The following OR2T10 variants were observed in gnomAD, a reference collection of about 807,000 sequenced individuals.
OR2T10 encodes olfactory receptor 2T10.
For missense variants in OR2T10, 335 were observed against 382.5 expected (o/e 0.88, Z 1.04); for synonymous variants, 125 against 141.8 (o/e 0.88, Z 0.84).
chr1:248,594,580 A>G (rs60798011), intron 1 of OR2T10, among the ~76,000 whole-genome samples: 3,633 of 143,308 alleles, frequency 0.025, 781 homozygotes, highest in African/African-American at 0.095. Flanking sequence ...ATCTTTCAAG[A>G]TATCAAAAAA....
rs1384432086 is a variant in OR2T10 at position 248,593,633 on chromosome 1, T to G, written c.136A>C (p.Ile46Leu). ...LMAVSWNITL[I>L]LLIHIDSSLH... ...GAGGAGTCAATGTGGATCAGAAGTA[T>G]CAATGTAATATTCCAAGACACAGCC... The change falls in exon 2 of 2, where the codon ATA (isoleucine) becomes CTA (leucine). Residue 46 changes from isoleucine (I) to leucine (L), a missense_variant. Coordinates refer to ENST00000642090, the MANE Select transcript of OR2T10 (RefSeq NM_001004693.2). 1.3e-5 allele frequency: 21 copies of G among 1,561,318 alleles called. 1 individual carries two copies. Among genetic ancestry groups the G allele is most frequent in the African/African-American group, 6.2e-5 (4 of 64,562 alleles).
In OR2T10 at chr1:248,593,313, G is replaced by T. The variant is rs1660043095; in HGVS notation, c.456C>A (p.Gly152=). ...GAGTGAGCATGAAGCCATCCACTGAGCCCACAAACCAGCAGCCTGATGCCA... is the reference window on the plus strand; with the variant it reads ...GAGTGAGCATGAAGCCATCCACTGATCCCACAAACCAGCAGCCTGATGCCA... The part of the protein sequence containing the change: ...LLLASGCWFV[G]SVDGFMLTPI... Residue 152 remains glycine, a synonymous_variant, in exon 2 of 2, where the codon GGC becomes GGA. Coordinates refer to ENST00000642090, the MANE Select transcript of OR2T10 (RefSeq NM_001004693.2). The T allele has an allele frequency of 6.4e-7, 1 of 1,573,150 alleles. No homozygotes were observed. Among genetic ancestry groups the T allele is most frequent in the East Asian group, 2.3e-5 (1 of 43,616 alleles).
At position 248,591,047 on chromosome 1, in the gene OR2T10, ATT is replaced by A. The variant is rs1394336378; in HGVS notation, c.*1781_*1782del. ...TGTTGGAAAAATTTATTTTACTATCATTTTTTATAATTGGAGTTAGACTCAAT... is the reference window on the plus strand; with the variant it reads ...TGTTGGAAAAATTTATTTTACTATCATTTTATAATTGGAGTTAGACTCAAT... On this transcript the variant is annotated 3_prime_UTR_variant, in exon 2 of 2. Coordinates refer to ENST00000642090, the MANE Select transcript of OR2T10 (RefSeq NM_001004693.2). 1.4e-5 allele frequency: 2 copies of A among 143,110 alleles called. No individual in the cohort carries two copies. The highest frequency in any genetic ancestry group is 3.0e-5 in the Non-Finnish European group (2 of 66,278). 8.9% of individuals were successfully genotyped at this position (143,110 alleles called of 1,614,324 possible). A position where few individuals can be genotyped will look rare whatever the true frequency, so the allele number is the denominator to read the frequency against.
intron 1 of OR2T10, among the ~76,000 whole-genome samples, chr1:248,596,355 G>A (rs59186316): frequency 0.16 from 22,141 of 142,268 alleles, 5,072 homozygotes; most frequent in East Asian, 0.44. Flanking sequence ...CCCTTCCCAA[G>A]TTGAACAGGT....
intron 1 of OR2T10, among the ~76,000 whole-genome samples, chr1:248,596,548 T>C (rs1660094612): frequency 7.0e-6 from 1 of 143,256 alleles, no homozygotes; most frequent in Non-Finnish European, 1.5e-5. Flanking sequence ...TCCATAAGGC[T>C]GCAGAACAAA....
At chr1:248,596,709 CT>C (rs767231937) in intron 1 of OR2T10, among the ~76,000 whole-genome samples, 5 of 143,506 alleles carry the variant, frequency 3.5e-5, no homozygotes, top group Non-Finnish European at 7.5e-5. Context: ...AAAATGAAAC[CT>C]TTATGACAAA....
chr1:248,595,438 T>A (rs1386463039), intron 1 of OR2T10, among the ~76,000 whole-genome samples: 1 of 143,518 alleles, frequency 7.0e-6, no homozygotes, highest in African/African-American at 2.7e-5. Flanking sequence ...CAATTGGTCA[T>A]ATTATTTCCT....
chr1:248,595,415 AT>A (rs1283935220), intron 1 of OR2T10, among the ~76,000 whole-genome samples: 1 of 143,618 alleles, frequency 7.0e-6, no homozygotes, highest in Non-Finnish European at 1.5e-5. Context: ...AAATTTATAA[AT>A]AAGAATTATT....
intron 1 of OR2T10, among the ~76,000 whole-genome samples, chr1:248,595,280 A>G (rs1202826829): frequency 7.0e-6 from 1 of 143,728 alleles, no homozygotes; most frequent in African/African-American, 2.7e-5. Context: ...TTAATGTTCA[A>G]TATATTAATA....
At position 248,593,131 on chromosome 1, in the gene OR2T10, A is replaced by G; in HGVS notation, c.638T>C (p.Val213Ala). The change falls in exon 2 of 2, where the codon GTC becomes GCC. Residue 213 changes from valine (V) to alanine (A), a missense_variant. By Grantham distance (64) the Val-to-Ala change is moderately conservative. Coordinates refer to ENST00000642090, the MANE Select transcript of OR2T10 (RefSeq NM_001004693.2). ...CVIMLLIPVTVISVSYYYIIL... is the reference protein window; with the variant it reads ...CVIMLLIPVTAISVSYYYIIL... ...GATATAGTAGTAAGACACTGAAATG[A>G]CCGTCACAGGTATCAGGAGCATGAT... 1.3e-6 allele frequency: 2 copies of G among 1,573,188 alleles called. No homozygotes were observed. Among genetic ancestry groups the G allele is most frequent in the African/African-American group, 1.5e-5 (1 of 66,744 alleles).
intron 1 of OR2T10, among the ~76,000 whole-genome samples, chr1:248,594,695 G>T (rs920545307): frequency 4.2e-5 from 6 of 143,330 alleles, no homozygotes; most frequent in Admixed American, 3.4e-4. Flanking sequence ...ATTTCTTGAT[G>T]TGAACCTTCT....
rs1360806919 is a variant in OR2T10 at position 248,591,642 on chromosome 1, T to C, written c.*1188A>G. The C allele has an allele frequency of 7.0e-6, 1 of 143,718 alleles. No individual in the cohort carries two copies. The highest frequency in any genetic ancestry group is 2.0e-4 in the East Asian group (1 of 4,946). The allele number at this position is 143,718 out of a possible 1,614,324, so 8.9% of individuals were successfully genotyped here. A position where few individuals can be genotyped will look rare whatever the true frequency, so the allele number is the denominator to read the frequency against. ...AACTATAGTGTTTCCAAGGTTGGAG[T>C]ATGGCCCTCCCAGAGGGAGAGGCAA... On this transcript the variant is annotated 3_prime_UTR_variant, in exon 2 of 2. Coordinates refer to ENST00000642090, the MANE Select transcript of OR2T10 (RefSeq NM_001004693.2).
rs1248051628 is a variant in OR2T10, at chr1:248,590,798, TCTACTA to T, written c.*2026_*2031del. On this transcript the variant is annotated 3_prime_UTR_variant, in exon 2 of 2. Coordinates refer to ENST00000642090, the MANE Select transcript of OR2T10 (RefSeq NM_001004693.2). ...CTAAAGTTTAACACAAATTACTACC[TCTACTA>T]CATCAATATTGATATATCTTCAACA... The T allele has an allele frequency of 1.4e-5, 2 of 143,582 alleles. No individual in the cohort carries two copies. The highest frequency in any genetic ancestry group is 3.0e-5 in the Non-Finnish European group (2 of 66,376). 8.9% of individuals were successfully genotyped at this position (143,582 alleles called of 1,614,324 possible). A position where few individuals can be genotyped will look rare whatever the true frequency, so the allele number is the denominator to read the frequency against.
At position 248,592,603 on chromosome 1, in the gene OR2T10, A is replaced by T; in HGVS notation, c.*227T>A. The T allele has an allele frequency of 2.6e-6, 1 of 381,642 alleles. No homozygotes were observed. Among genetic ancestry groups the T allele is most frequent in the East Asian group, 4.2e-5 (1 of 23,590 alleles). 23.6% of individuals were successfully genotyped at this position (381,642 alleles called of 1,614,324 possible). On this transcript the variant is annotated 3_prime_UTR_variant, in exon 2 of 2. Coordinates refer to ENST00000642090, the MANE Select transcript of OR2T10 (RefSeq NM_001004693.2). Reference sequence around the variant, plus strand: ...TCCACTGTAATCTAAAAAAAGGACCATTGGCCCCGAAGGACTGGACTAGAG... The same window carrying T: ...TCCACTGTAATCTAAAAAAAGGACCTTTGGCCCCGAAGGACTGGACTAGAG...
rs753819688 is a variant in OR2T10 at position 248,593,350 on chromosome 1, A to AC, written c.418dup (p.Val140GlyfsTer34). 5 of 1,572,924 alleles carry AC rather than the reference A, an allele frequency of 3.2e-6. No individual in the cohort carries two copies. The highest frequency in any genetic ancestry group is 1.5e-5 in the African/African-American group (1 of 66,482). Reference sequence around the variant, plus strand: ...GCAGCCTGATGCCAGGAGGAGACATACCCTATGGCTCATGAGCACAGAGTA... The same window carrying AC: ...GCAGCCTGATGCCAGGAGGAGACATACCCCTATGGCTCATGAGCACAGAGTA... On this transcript the variant is annotated frameshift_variant, in exon 2 of 2. Transcript: ENST00000642090. LOFTEE classifies it low-confidence loss of function (END_TRUNC).
At position 248,593,106 on chromosome 1, in the gene OR2T10, G is replaced by T; in HGVS notation, c.663C>A (p.Ile221=). Reference sequence around the variant, plus strand: ...AGTTCATCTTATGGATGGTGAGGATGATATAGTAGTAAGACACTGAAATGA... The same window carrying T: ...AGTTCATCTTATGGATGGTGAGGATTATATAGTAGTAAGACACTGAAATGA... ...VTVISVSYYY[I]ILTIHKMNSV... is the part of the protein sequence containing the mutation. Residue 221 remains isoleucine, a synonymous_variant, in exon 2 of 2, where the codon ATC becomes ATA. Coordinates refer to ENST00000642090, the MANE Select transcript of OR2T10 (RefSeq NM_001004693.2). 1 of 1,572,878 alleles carries T rather than the reference G, an allele frequency of 6.4e-7. No individual in the cohort carries two copies. The highest frequency in any genetic ancestry group is 8.6e-7 in the Non-Finnish European group (1 of 1,156,726).
chr1:248,593,103 G>A lies in OR2T10; in HGVS notation c.666C>T (p.Ile222=), dbSNP rs1312268117. 1 of 1,572,844 alleles carries A rather than the reference G, an allele frequency of 6.4e-7. No individual in the cohort carries two copies. Residue 222 remains isoleucine (I), a synonymous_variant, in exon 2 of 2, where the codon ATC becomes ATT. Coordinates refer to ENST00000642090, the MANE Select transcript of OR2T10 (RefSeq NM_001004693.2). ...CTGAGTTCATCTTATGGATGGTGAG[G>A]ATGATATAGTAGTAAGACACTGAAA... ...TVISVSYYYI[I]LTIHKMNSVE...
rs776827701 is a variant in OR2T10 at position 248,592,950 on chromosome 1, C to T, written c.819G>A (p.Met273Ile). 15 of 1,566,590 alleles carry T rather than the reference C, an allele frequency of 9.6e-6. 3 individuals are homozygous for T. Among genetic ancestry groups the T allele is most frequent in the Non-Finnish European group, 1.3e-5 (15 of 1,151,018 alleles). Residue 273 changes from methionine to isoleucine, a missense_variant, in exon 2 of 2, where the codon ATG becomes ATA. Physicochemically the swap from Met to Ile is conservative, Grantham distance 10. Transcript: ENST00000642090. ...SSYQTPEKDM[M>I]SSFFYTILTP... Reference sequence around the variant, plus strand: ...TAAGGATAGTGTAGAAAAAGGATGACATCATATCTTTCTCAGGAGTTTGGT... The same window carrying T: ...TAAGGATAGTGTAGAAAAAGGATGATATCATATCTTTCTCAGGAGTTTGGT...
At position 248,593,059 on chromosome 1, in the gene OR2T10, G is replaced by A; in HGVS notation, c.710C>T (p.Ala237Val). The change falls in exon 2 of 2, where the codon GCC becomes GTC. Residue 237 changes from alanine (A) to valine (V), a missense_variant. Coordinates refer to ENST00000642090, the MANE Select transcript of OR2T10 (RefSeq NM_001004693.2). ...AATGTGGGAGGAGCAGGTGGTGAAG[G>A]CCTTTTTCCGACCCTCAACTGAGTT... ...KMNSVEGRKKAFTTCSSHITV... is the reference protein window; with the variant it reads ...KMNSVEGRKKVFTTCSSHITV... 1 of 1,571,026 alleles carries A rather than the reference G, an allele frequency of 6.4e-7. No homozygotes were observed.
Sources: allele counts gnomAD v4.1 joint callset (sites outside exome capture counted in the v4.1 genomes callset), GRCh38; gene constraint gnomAD v4.1.1; transcripts MANE v1.5; gene names NCBI Gene and HGNC (gene_info 2026-07-23, HGNC 2026-07-21).